The following DGKQ variants were observed in gnomAD, a reference collection of about 807,000 sequenced individuals.
The protein encoded by DGKQ is DAG kinase theta.
DGKQ carries 97 observed loss-of-function variants against 104.2 expected under a neutral mutation model. The observed-to-expected ratio is 0.93, with a 90% CI of 0.79 to 1.10. The LOEUF (loss-of-function observed/expected upper bound fraction) is 1.10. Among genes scored for constraint, DGKQ ranks in the 50% least tolerant of loss-of-function variants. The probability of loss-of-function intolerance (pLI) is 0.00; values close to 1 mark genes in which losing one functional copy is unlikely to be tolerated. For synonymous variants in DGKQ, 736 were observed against 595.2 expected (o/e 1.24, Z -3.44); for missense variants, 1,465 against 1,352.1 (o/e 1.08, Z -1.31).
At position 959,762 on chromosome 4, in the gene DGKQ, C is replaced by T. The variant is rs907624925; in HGVS notation, c.*858G>A. On this transcript the variant is annotated 3_prime_UTR_variant, in exon 23 of 23. Transcript: ENST00000273814. ...ACACCTCCCAAACTCCTCTGCACCG[C>T]CATGCCCTGCTTTTGGTCCCTTCTG... 2.6e-5 allele frequency: 4 copies of T among 152,406 alleles called. No homozygotes were observed. The highest frequency in any genetic ancestry group is 4.4e-5 in the Non-Finnish European group (3 of 68,082). 9.4% of individuals were successfully genotyped at this position (152,406 alleles called of 1,614,324 possible). A position where few individuals can be genotyped will look rare whatever the true frequency, so the allele number is the denominator to read the frequency against.
At chr4:972,368 C>G (rs998376110) in intron 1 of DGKQ, among the ~76,000 whole-genome samples, 5 of 152,186 alleles carry the variant, frequency 3.3e-5, no homozygotes, top group African/African-American at 1.2e-4. Flanking sequence ...ACAACCATGC[C>G]GTTTCCACCA....
chr4:971,131 AG>A lies in DGKQ; in HGVS notation c.272-60del. On this transcript the variant is annotated intron_variant, in intron 1 of 22. Transcript: ENST00000273814. This position sits in a 1 kb window ranked among gnomAD's most constrained non-coding sequence, Gnocchi z 4.0. ...GTCCTACCCAATGGCTGTCCTACCC[AG>A]GAAGTTAGAGGCCCCAGGGCAATGA... 1 of 1,303,160 alleles carries A rather than the reference AG, an allele frequency of 7.7e-7. No individual in the cohort carries two copies. The highest frequency in any genetic ancestry group is 1.8e-4 in the Middle Eastern group (1 of 5,502). 80.7% of individuals were successfully genotyped at this position (1,303,160 alleles called of 1,614,324 possible).
At position 966,077 on chromosome 4, in the gene DGKQ, A is replaced by G. The variant is rs767076913; in HGVS notation, c.1430T>C (p.Met477Thr). 1.9e-6 allele frequency: 3 copies of G among 1,597,336 alleles called. No homozygotes were observed. Among genetic ancestry groups the G allele is most frequent in the Non-Finnish European group, 2.6e-6 (3 of 1,171,940 alleles). The stretch of plus-strand genomic sequence containing the variant: ...CGTCTGGCTCACCTGCCGCACAGAC[A>G]TCTGCAGGGAGAGGGGCGGGGATGC... ...LLDRLQDIRQ[M>T]SVRQVSQTRF... Residue 477 changes from methionine (M) to threonine (T), a missense_variant and splice_region_variant, in exon 13 of 23, where the codon ATG (methionine) becomes ACG (threonine). Transcript: ENST00000273814.
chr4:967,848 G>T (rs1376678490), intron 6 of DGKQ, 32 bp downstream of exon 6: 1 of 1,499,616 alleles, frequency 6.7e-7, no homozygotes, highest in Non-Finnish European at 8.9e-7. Context: ...GCAGCCCCCA[G>T]CCCAGGGCGC....
chr4:966,992 A>G lies in DGKQ; in HGVS notation c.1283T>C (p.Leu428Pro). The change falls in exon 10 of 23, where the codon CTG becomes CCG. Residue 428 changes from leucine to proline, a missense_variant. By Grantham distance (98) the Leu-to-Pro change is moderately conservative. Transcript: ENST00000273814. The stretch of plus-strand genomic sequence containing the variant: ...GCGGCCGAGCAGCGGCAGGACCTCC[A>G]GCACCACAGAGCGGGCCGTGCTCTT... ...TPKSTARSVV[L>P]EVLPLLGRQA... is the part of the protein sequence containing the mutation. The G allele has an allele frequency of 2.6e-6, 4 of 1,566,020 alleles. No homozygotes were observed. Among genetic ancestry groups the G allele is most frequent in the Non-Finnish European group, 3.5e-6 (4 of 1,157,984 alleles).
intron 12 of DGKQ, 75 bp from the exon 13 acceptor site, chr4:966,153 G>A (rs867705163): frequency 2.5e-5 from 34 of 1,366,766 alleles, no homozygotes; most frequent in South Asian, 9.4e-5. Flanking sequence ...CTCCTCACCC[G>A]CAAAACAGCA....
In DGKQ at chr4:973,321, G is replaced by A. The variant is rs1490271359; in HGVS notation, c.162C>T (p.Gly54=). The change falls in exon 1 of 23, where the codon GGC becomes GGT. Residue 54 remains glycine, a synonymous_variant. Transcript: ENST00000273814. ...AGCTGTGTCCCGGCGCGGCAGCGGGGCCCGGGGCTCTGACGCCCGCCCGCT... is the reference window on the plus strand; with the variant it reads ...AGCTGTGTCCCGGCGCGGCAGCGGGACCCGGGGCTCTGACGCCCGCCCGCT... ...GPERAGVRAP[G]PAAAPGHSFR... 25 of 1,453,496 alleles carry A rather than the reference G, an allele frequency of 1.7e-5. No individual in the cohort carries two copies. The highest frequency in any genetic ancestry group is 2.2e-5 in the Non-Finnish European group (24 of 1,098,148). The allele number at this position is 1,453,496 out of a possible 1,614,324, so 90.0% of individuals were successfully genotyped here.
chr4:973,523 G>T lies in DGKQ; in HGVS notation c.-41C>A, dbSNP rs1050358545. 2 of 987,294 alleles carry T rather than the reference G, an allele frequency of 2.0e-6. No individual in the cohort carries two copies. The highest frequency in any genetic ancestry group is 1.8e-5 in the African/African-American group (1 of 57,104). 61.2% of individuals were successfully genotyped at this position (987,294 alleles called of 1,614,324 possible). On this transcript the variant is annotated 5_prime_UTR_variant, in exon 1 of 23. Coordinates refer to ENST00000273814, the MANE Select transcript of DGKQ (RefSeq NM_001347.4). ...CCCGAGCCCCTTTAGGTCCGCGCCGGGGGTACAGGAGCCGCCGCTCCACGG... is the reference window on the plus strand; with the variant it reads ...CCCGAGCCCCTTTAGGTCCGCGCCGTGGGTACAGGAGCCGCCGCTCCACGG...
At position 967,233 on chromosome 4, in the gene DGKQ, C is replaced by T; in HGVS notation, c.1116G>A (p.Glu372=). Residue 372 remains glutamate, a synonymous_variant, in exon 9 of 23, where the codon GAG becomes GAA. Transcript: ENST00000273814. ...GGKAGSAVIS[E]EGRSPGSGEA... ...CGCCGGACCCGGGGCTTCTGCCCTC[C>T]TCCGAGATCACAGCACTCCCAGCCT... The T allele has an allele frequency of 1.3e-6, 2 of 1,573,880 alleles. No homozygotes were observed. The highest frequency in any genetic ancestry group is 1.7e-6 in the Non-Finnish European group (2 of 1,162,394).
At position 959,095 on chromosome 4, in the gene DGKQ, G is replaced by A. The variant is rs1711666236; in HGVS notation, c.*1525C>T. 6.5e-6 allele frequency: 1 copy of A among 152,858 alleles called. No homozygotes were observed. The highest frequency in any genetic ancestry group is 2.4e-5 in the African/African-American group (1 of 41,466). 9.5% of individuals were successfully genotyped at this position (152,858 alleles called of 1,614,324 possible). On this transcript the variant is annotated 3_prime_UTR_variant, in exon 23 of 23. Coordinates refer to ENST00000273814, the MANE Select transcript of DGKQ (RefSeq NM_001347.4). ...CTCGCGAAGCAAAACTAATCACAAA[G>A]GACTGGTCTTGAAGATGACAATGAC...
intron 7 of DGKQ, 28 bp from the exon 8 acceptor site, chr4:967,677 G>C: frequency 1.2e-6 from 2 of 1,612,216 alleles, no homozygotes; most frequent in Non-Finnish European, 1.7e-6. Flanking sequence ...CGTGAGTCCC[G>C]GGCGCCCGGG....
At chr4:963,313 A>G in intron 15 of DGKQ, 23 bp from the exon 16 acceptor site, 1 of 1,587,224 alleles carries the variant, frequency 6.3e-7, no homozygotes, top group Non-Finnish European at 8.6e-7. Context: ...GGGCTGGGTT[A>G]GGATGGGGAC....
rs765959860 is a variant in DGKQ, at chr4:968,579, G to T, written c.452-15C>A. Reference sequence around the variant, plus strand: ...CAGCTCACACACTGGGGGGCAGGCAGGGTTAGAGGTGTCTGCCGCCCCCGG... The same window carrying T: ...CAGCTCACACACTGGGGGGCAGGCATGGTTAGAGGTGTCTGCCGCCCCCGG... On this transcript the variant is annotated splice_polypyrimidine_tract_variant and intron_variant, in intron 3 of 22. Coordinates refer to ENST00000273814, the MANE Select transcript of DGKQ (RefSeq NM_001347.4). 6.3e-7 allele frequency: 1 copy of T among 1,592,680 alleles called. No individual in the cohort carries two copies. Among genetic ancestry groups the T allele is most frequent in the Non-Finnish European group, 8.6e-7 (1 of 1,168,488 alleles).
intron 21 of DGKQ, 93 bp from the exon 22 acceptor site, chr4:961,294 C>G: frequency 8.2e-7 from 1 of 1,224,456 alleles, no homozygotes; most frequent in African/African-American, 1.6e-5. Context: ...CGAGCAGGGA[C>G]CAGGGACGCC....
rs142252547 is a variant in DGKQ, at chr4:966,052, C to T, written c.1455G>A (p.Thr485=). ...CCCTGCTCTCTGCCACGTAGAACCGCGTCTGGCTCACCTGCCGCACAGACA... is the reference window on the plus strand; with the variant it reads ...CCCTGCTCTCTGCCACGTAGAACCGTGTCTGGCTCACCTGCCGCACAGACA... ...RQMSVRQVSQ[T]RFYVAESRDV... is the part of the protein sequence containing the mutation. The change falls in exon 13 of 23, where the codon ACG becomes ACA. Residue 485 remains threonine, a synonymous_variant. Transcript: ENST00000273814. The T allele has an allele frequency of 3.1e-6, 5 of 1,603,316 alleles. No homozygotes were observed. The highest frequency in any genetic ancestry group is 2.2e-5 in the South Asian group (2 of 88,958).
At chr4:969,170 C>A (rs1406778683) in intron 2 of DGKQ, among the ~76,000 whole-genome samples, 6 of 152,146 alleles carry the variant, frequency 3.9e-5, no homozygotes, top group Non-Finnish European at 5.9e-5. Flanking sequence ...GCCCCAGGAA[C>A]AACCACACCC....
Position 967,942 on chromosome 4 carries a change from C to T in DGKQ, c.749G>A (p.Arg250His), listed in dbSNP as rs1224275367. Residue 250 changes from arginine to histidine, a missense_variant, in exon 6 of 23, where the codon CGC becomes CAC. Coordinates refer to ENST00000273814, the MANE Select transcript of DGKQ (RefSeq NM_001347.4). ...RSLVLPPACV[R>H]LLPGGFSKTQ... ...CTTGCTGAAGCCGCCGGGCAGAAGG[C>T]GCACGCACGCGGGAGGCAGGACCAG... 1.1e-5 allele frequency: 16 copies of T among 1,478,730 alleles called. No homozygotes were observed. The highest frequency in any genetic ancestry group is 2.9e-5 in the African/African-American group (2 of 68,698). 91.6% of individuals were successfully genotyped at this position (1,478,730 alleles called of 1,614,324 possible).
In DGKQ at chr4:962,604, A is replaced by T; in HGVS notation, c.2045T>A (p.Leu682His). ...CGCCCCCCAGCGGAGGACTCGACCAAGGTCATTCCCTGGGACACAAGCAGA... is the reference window on the plus strand; with the variant it reads ...CGCCCCCCAGCGGAGGACTCGACCATGGTCATTCCCTGGGACACAAGCAGA... ...AILPLGTGND[L>H]GRVLRWGAGY... The change falls in exon 18 of 23, where the codon CTT becomes CAT. Residue 682 changes from leucine (L) to histidine (H), a missense_variant. Leu to His is a moderately conservative substitution (Grantham distance 99). Coordinates refer to ENST00000273814, the MANE Select transcript of DGKQ (RefSeq NM_001347.4). 1 of 1,607,972 alleles carries T rather than the reference A, an allele frequency of 6.2e-7. No individual in the cohort carries two copies. The highest frequency in any genetic ancestry group is 8.5e-7 in the Non-Finnish European group (1 of 1,179,688).
Position 966,785 on chromosome 4 carries a change from G to A in DGKQ, c.1329C>T (p.Ser443=), listed in dbSNP as rs762455363. 14 of 1,610,122 alleles carry A rather than the reference G, an allele frequency of 8.7e-6. No homozygotes were observed. The highest frequency in any genetic ancestry group is 1.2e-5 in the Non-Finnish European group (14 of 1,178,910). Residue 443 remains serine, a synonymous_variant, in exon 11 of 23, where the codon AGC becomes AGT. Coordinates refer to ENST00000273814, the MANE Select transcript of DGKQ (RefSeq NM_001347.4). ...LLGRQAESPE[S]FQLVEVAMGC... ...CCATCGCCACCTCCACCAGCTGGAA[G>A]CTCTCGGGACTCTCGGCCTGTTGGG...
Sources: gnomAD v4.1 joint callset for allele counts (sites outside exome capture counted in the v4.1 genomes callset) on GRCh38, gnomAD v4.1.1 for gene constraint, Gnocchi (gnomAD v3.1) non-coding constraint, MANE v1.5 for transcripts, NCBI Gene and HGNC (gene_info 2026-07-23, HGNC 2026-07-21) for gene names.